The following GPATCH2 variants were observed in gnomAD, a reference collection of about 807,000 sequenced individuals.
GPATCH2 encodes G-patch domain containing 2.
In GPATCH2, 51 loss-of-function variants were observed where a neutral mutation model predicts 58.0. The observed-to-expected ratio is 0.88, with a 90% CI of 0.70 to 1.11. The LOEUF is 1.11. Ranked by LOEUF, GPATCH2 falls within the 50% of genes most tolerant of loss-of-function variation. The pLI is 0.00. For missense variants in GPATCH2, 625 were observed against 652.2 expected, an observed-to-expected ratio of 0.96 and a Z score of 0.45; for synonymous variants, 222 against 218.5, an observed-to-expected ratio of 1.02 and a Z score of -0.14.
chr1:217,514,015 G>A (rs938246825), intron 6 of GPATCH2, among the ~76,000 whole-genome samples: 5 of 151,862 alleles, frequency 3.3e-5, no homozygotes, highest in African/African-American at 7.3e-5. Context: ...AGTAGAGACC[G>A]GGTTTCACGA....
intron 9 of GPATCH2, among the ~76,000 whole-genome samples, chr1:217,446,066 T>C (rs753241262): frequency 2.2e-4 from 34 of 152,290 alleles, no homozygotes; most frequent in Non-Finnish European, 4.6e-4. Context: ...CTAAACTCGC[T>C]GTTTGATTAT....
At chr1:217,462,992 A>C (rs571153190) in intron 8 of GPATCH2, among the ~76,000 whole-genome samples, 2 of 152,214 alleles carry the variant, frequency 1.3e-5, no homozygotes, top group African/African-American at 4.8e-5. Context: ...GATTAAAGAA[A>C]TGTGTGCCTC....
chr1:217,564,904 T>A (rs1190529979), intron 5 of GPATCH2, among the ~76,000 whole-genome samples: 1 of 152,198 alleles, frequency 6.6e-6, no homozygotes, highest in Non-Finnish European at 1.5e-5. Context: ...GACTGCGATC[T>A]CATTTATTTC....
chr1:217,578,072 C>G (rs1402954229), intron 5 of GPATCH2, among the ~76,000 whole-genome samples: 5 of 132,158 alleles, frequency 3.8e-5, no homozygotes, highest in African/African-American at 1.4e-4. Flanking sequence ...CTGCAAACTC[C>G]ACTTCATGGG....
Position 217,514,866 on chromosome 1 carries a change from A to G in GPATCH2, c.1122T>C (p.Gly374=), listed in dbSNP as rs779157838. 6.5e-7 allele frequency: 1 copy of G among 1,537,376 alleles called. No individual in the cohort carries two copies. The highest frequency in any genetic ancestry group is 1.1e-5 in the South Asian group (1 of 89,310). The change falls in exon 6 of 10, where the codon GGT becomes GGC. Residue 374 remains glycine, a synonymous_variant. Transcript: ENST00000366935. ...GGGAAAAATGAACCATTCTCTTGTT[A>G]CCCACTGGGCCAGGAATGGGTACCT... ...TSMVPIPGPV[G]NKRMVHFSPD...
intron 9 of GPATCH2, among the ~76,000 whole-genome samples, chr1:217,448,686 G>A (rs1322154810): frequency 6.6e-6 from 1 of 152,096 alleles, no homozygotes; most frequent in African/African-American, 2.4e-5. Context: ...TATTAGAATG[G>A]CATATTATTA....
At chr1:217,438,623 T>C (rs1310182894) in intron 9 of GPATCH2, among the ~76,000 whole-genome samples, 1 of 151,982 alleles carries the variant, frequency 6.6e-6, no homozygotes, top group African/African-American at 2.4e-5. Context: ...TATCAGAGAT[T>C]GAAGATCATC....
intron 5 of GPATCH2, among the ~76,000 whole-genome samples, chr1:217,560,040 G>C (rs1665845338): frequency 6.6e-6 from 1 of 152,122 alleles, no homozygotes; most frequent in African/African-American, 2.4e-5. Context: ...GTGGAGATGG[G>C]GTTTCACCAT....
In GPATCH2 at chr1:217,427,544, A is replaced by G. The variant is rs1488849035; in HGVS notation, c.*3601T>C. The G allele has an allele frequency of 1.3e-5, 2 of 152,128 alleles. No homozygotes were observed. The highest frequency in any genetic ancestry group is 2.9e-5 in the Non-Finnish European group (2 of 67,974). The allele number at this position is 152,128 out of a possible 1,614,324, so 9.4% of individuals were successfully genotyped here. ...CTTATAAATAATGTTCTTAAACATT[A>G]TGTTTTATTCTTTGATTCTTTGTTG... On this transcript the variant is annotated 3_prime_UTR_variant, in exon 10 of 10. Transcript: ENST00000366935.
chr1:217,622,833 C>T (rs532559887), intron 1 of GPATCH2, among the ~76,000 whole-genome samples: 3 of 152,212 alleles, frequency 2.0e-5, no homozygotes, highest in Non-Finnish European at 2.9e-5. Flanking sequence ...TGAGCCACCA[C>T]GCCCAGCCCC....
intron 6 of GPATCH2, among the ~76,000 whole-genome samples, chr1:217,507,060 CACA>C (rs1196812988): frequency 1.3e-5 from 2 of 152,084 alleles, no homozygotes; most frequent in Non-Finnish European, 2.9e-5. Flanking sequence ...ATGTGAGAAC[CACA>C]ACAACTGTGA....
At chr1:217,571,413 A>G (rs1484490804) in intron 5 of GPATCH2, among the ~76,000 whole-genome samples, 1 of 152,150 alleles carries the variant, frequency 6.6e-6, no homozygotes, top group African/African-American at 2.4e-5. Flanking sequence ...AAGCATTGTT[A>G]GACTGTTTTA....
chr1:217,551,343 G>A (rs952503368), intron 5 of GPATCH2, among the ~76,000 whole-genome samples: 1 of 152,060 alleles, frequency 6.6e-6, no homozygotes, highest in African/African-American at 2.4e-5. Flanking sequence ...GGAGATCAGT[G>A]TTCCTAAAAG....
intron 2 of GPATCH2, among the ~76,000 whole-genome samples, chr1:217,616,432 T>C (rs1319518242): frequency 1.3e-5 from 2 of 152,138 alleles, no homozygotes; most frequent in Admixed American, 1.3e-4. Flanking sequence ...CTATCTCCAC[T>C]CTCTTCCCTC....
intron 5 of GPATCH2, among the ~76,000 whole-genome samples, chr1:217,579,343 A>T (rs1189924061): frequency 6.6e-6 from 1 of 151,964 alleles, no homozygotes; most frequent in East Asian, 1.9e-4. Context: ...TAATCAAGAA[A>T]AAAAAGTAGA....
chr1:217,510,890 T>C (rs1343493830), intron 6 of GPATCH2, among the ~76,000 whole-genome samples: 7 of 151,902 alleles, frequency 4.6e-5, no homozygotes, highest in African/African-American at 1.7e-4. Flanking sequence ...GTCAGGAGTT[T>C]GAGACCAGCC....
chr1:217,588,529 C>T (rs1295287352), intron 5 of GPATCH2, among the ~76,000 whole-genome samples: 1 of 151,922 alleles, frequency 6.6e-6, no homozygotes, highest in East Asian at 1.9e-4. Flanking sequence ...TTAATTGAAC[C>T]ATAAGACATC....
intron 5 of GPATCH2, among the ~76,000 whole-genome samples, chr1:217,558,797 A>C (rs879445759): frequency 6.6e-5 from 10 of 152,190 alleles, no homozygotes; most frequent in Non-Finnish European, 8.8e-5. Flanking sequence ...GGTTTTAAAA[A>C]ATAAAATAAT....
Position 217,491,755 on chromosome 1 carries a change from A to C in GPATCH2, c.1207-5T>G, listed in dbSNP as rs1661747547. ...ATTATCTCTCAGAAGCTGATGCTAC[A>C]CAAAGTGTTAAGACAAAGTCATAGA... is the stretch of plus-strand genomic sequence containing the variant. On this transcript the variant is annotated splice_region_variant and splice_polypyrimidine_tract_variant and intron_variant, in intron 7 of 9. Transcript: ENST00000366935. The C allele has an allele frequency of 7.8e-7, 1 of 1,288,166 alleles. No individual in the cohort carries two copies. The highest frequency in any genetic ancestry group is 1.9e-5 in the Admixed American group (1 of 52,696). 79.8% of individuals were successfully genotyped at this position (1,288,166 alleles called of 1,614,324 possible).
Sources: gnomAD v4.1 joint callset for allele counts (sites outside exome capture counted in the v4.1 genomes callset) on GRCh38, gnomAD v4.1.1 for gene constraint, MANE v1.5 for transcripts, NCBI Gene and HGNC (gene_info 2026-07-23, HGNC 2026-07-21) for gene names.